The following SCD5 variants were observed in gnomAD, a reference collection of about 807,000 sequenced individuals.
SCD5 encodes acyl-CoA-desaturase 4.
SCD5 carries 20 observed loss-of-function variants against 30.4 expected under a neutral mutation model. The observed-to-expected ratio is 0.66, with a 90% CI of 0.46 to 0.96. The LOEUF (loss-of-function observed/expected upper bound fraction) is 0.96, where lower values mean the gene tolerates loss of function less well. SCD5 is among the 40% of genes least tolerant of loss of function. The pLI, the probability that SCD5 is intolerant of heterozygous loss-of-function variation, is 0.00. For missense variants in SCD5, 381 were observed against 443.3 expected, an observed-to-expected ratio of 0.86 and a Z score of 1.26; for synonymous variants, 173 against 176.4, an observed-to-expected ratio of 0.98 and a Z score of 0.16.
chr4:82,798,563 C>A lies in SCD5; in HGVS notation c.-26G>T, dbSNP rs1297523907. The A allele has an allele frequency of 6.5e-7, 1 of 1,538,086 alleles. No homozygotes were observed. Among genetic ancestry groups the A allele is most frequent in the Non-Finnish European group, 8.8e-7 (1 of 1,142,724 alleles). On this transcript the variant is annotated 5_prime_UTR_variant, in exon 1 of 5. Coordinates refer to ENST00000319540, the MANE Select transcript of SCD5 (RefSeq NM_001037582.3). ...GGCTGGGCGAGGTGGGCGCCCGCAGCAGCGGCAGGCAGGCAGGCGCTCTGC... is the reference window on the plus strand; with the variant it reads ...GGCTGGGCGAGGTGGGCGCCCGCAGAAGCGGCAGGCAGGCAGGCGCTCTGC...
chr4:82,682,631 G>T (rs1728601862), intron 2 of SCD5, among the ~76,000 whole-genome samples: 1 of 152,102 alleles, frequency 6.6e-6, no homozygotes, highest in African/African-American at 2.4e-5. Context: ...CTTCTGATGA[G>T]AAGGGAAGAA....
At chr4:82,715,628 G>A (rs1720210434) in intron 1 of SCD5, among the ~76,000 whole-genome samples, 1 of 151,154 alleles carries the variant, frequency 6.6e-6, no homozygotes, top group Non-Finnish European at 1.5e-5. Context: ...ATATATTCTA[G>A]AACCTCATAC....
At chr4:82,648,367 G>GTT (rs1222564572) in intron 3 of SCD5, among the ~76,000 whole-genome samples, 1 of 152,202 alleles carries the variant, frequency 6.6e-6, no homozygotes, top group Non-Finnish European at 1.5e-5. Flanking sequence ...GTGTGAAGAG[G>GTT]GTGTGTTGGG....
chr4:82,785,580 G>A (rs1560563131), intron 1 of SCD5, among the ~76,000 whole-genome samples: 1 of 152,148 alleles, frequency 6.6e-6, no homozygotes, highest in African/African-American at 2.4e-5. Flanking sequence ...GTATACCTGA[G>A]GTATATATGT....
rs1014773677 is a variant in SCD5 at position 82,629,815 on chromosome 4, T to C, written c.*1512A>G. 2 of 152,224 alleles carry C rather than the reference T, an allele frequency of 1.3e-5. No homozygotes were observed. The highest frequency in any genetic ancestry group is 4.8e-5 in the African/African-American group (2 of 41,454). 9.4% of individuals were successfully genotyped at this position (152,224 alleles called of 1,614,324 possible). On this transcript the variant is annotated 3_prime_UTR_variant, in exon 5 of 5. Transcript: ENST00000319540. ...TGTCCCATTAATTCCACATGCACTT[T>C]ACAAAGCAACTTCACACACAAATTT...
chr4:82,748,811 T>C (rs964863905), intron 1 of SCD5, among the ~76,000 whole-genome samples: 6 of 152,170 alleles, frequency 3.9e-5, no homozygotes, highest in Non-Finnish European at 5.9e-5. Context: ...CATCCAGTAA[T>C]GTACTCTGAA....
chr4:82,725,167 G>A (rs1050380848), intron 1 of SCD5, among the ~76,000 whole-genome samples: 1 of 152,142 alleles, frequency 6.6e-6, no homozygotes, highest in Non-Finnish European at 1.5e-5. Flanking sequence ...GGAATATTTT[G>A]TTGCTTTAAT....
intron 1 of SCD5, among the ~76,000 whole-genome samples, chr4:82,788,668 G>A (rs1319053841): frequency 6.6e-6 from 1 of 152,242 alleles, no homozygotes; most frequent in Non-Finnish European, 1.5e-5. Context: ...TGGGGTTACA[G>A]GCATGAGCCA....
At chr4:82,638,638 A>T (rs1460783721) in intron 3 of SCD5, among the ~76,000 whole-genome samples, 1 of 152,208 alleles carries the variant, frequency 6.6e-6, no homozygotes, top group Non-Finnish European at 1.5e-5. Context: ...AGGCATCTCA[A>T]GCAGGAAGTA....
intron 2 of SCD5, among the ~76,000 whole-genome samples, chr4:82,699,757 G>A (rs1327289375): frequency 6.6e-6 from 1 of 151,084 alleles, no homozygotes; most frequent in African/African-American, 2.4e-5. Context: ...CACGTCCCAG[G>A]TTCAAGCGAT....
chr4:82,691,089 G>T (rs1389222520), intron 2 of SCD5, among the ~76,000 whole-genome samples: 2 of 152,258 alleles, frequency 1.3e-5, no homozygotes, highest in East Asian at 3.9e-4. Context: ...GCAGTGGTGC[G>T]ATCTTGGCTC....
intron 3 of SCD5, among the ~76,000 whole-genome samples, chr4:82,666,506 C>T (rs2148818134): frequency 6.6e-6 from 1 of 151,024 alleles, no homozygotes. Context: ...CAGAGCGAGA[C>T]TCCGTCTCAA....
At chr4:82,680,943 G>A in intron 2 of SCD5, 31 bp from the exon 3 acceptor site, 1 of 1,594,114 alleles carries the variant, frequency 6.3e-7, no homozygotes, top group Non-Finnish European at 8.6e-7. Flanking sequence ...TGAGTGAAGA[G>A]AGGAACCGCA....
intron 1 of SCD5, among the ~76,000 whole-genome samples, chr4:82,724,807 T>TG (rs1720438429): frequency 6.6e-6 from 1 of 152,158 alleles, no homozygotes; most frequent in Non-Finnish European, 1.5e-5. Flanking sequence ...CTGTGAGCAG[T>TG]GGGGCTTGCT....
At chr4:82,649,204 TGTGTG>T (rs1727694899) in intron 3 of SCD5, among the ~76,000 whole-genome samples, 1 of 151,510 alleles carries the variant, frequency 6.6e-6, no homozygotes, top group Non-Finnish European at 1.5e-5. Context: ...TGTGTGTGTG[TGTGTG>T]TGTGTGTGTG....
At chr4:82,725,989 C>T (rs552688506) in intron 1 of SCD5, among the ~76,000 whole-genome samples, 131 of 152,364 alleles carry the variant, frequency 8.6e-4, no homozygotes, top group African/African-American at 2.9e-3. Flanking sequence ...GGAAAAACCG[C>T]CTGAAGGGTC....
intron 1 of SCD5, 144 bp from the exon 2 acceptor site, chr4:82,705,557 G>C (rs1719952306): frequency 8.7e-7 from 1 of 1,155,072 alleles, no homozygotes; most frequent in Admixed American, 2.6e-5. Context: ...AACTTGAGAG[G>C]AGGCAGCCTT....
At chr4:82,654,474 C>G (rs147574923) in intron 3 of SCD5, among the ~76,000 whole-genome samples, 1 of 152,328 alleles carries the variant, frequency 6.6e-6, no homozygotes, top group East Asian at 1.9e-4. Flanking sequence ...AGATATCTTT[C>G]CCCAGGAAGG....
chr4:82,663,732 C>T (rs1728076362), intron 3 of SCD5, among the ~76,000 whole-genome samples: 1 of 152,154 alleles, frequency 6.6e-6, no homozygotes, highest in South Asian at 2.1e-4. Flanking sequence ...AAGTATATTG[C>T]TCTGGGAGAG....
Sources: gnomAD v4.1 joint callset for allele counts (sites outside exome capture counted in the v4.1 genomes callset) on GRCh38, gnomAD v4.1.1 for gene constraint, MANE v1.5 for transcripts, NCBI Gene and HGNC (gene_info 2026-07-23, HGNC 2026-07-21) for gene names.